XKR4: variants seen among roughly 807,000 people sequenced by gnomAD.
XKR4 encodes XK related 4.
In XKR4, 12 loss-of-function variants were observed where a neutral mutation model predicts 53.9. The observed-to-expected ratio is 0.22, with a 90% CI of 0.14 to 0.36. The LOEUF (loss-of-function observed/expected upper bound fraction) is 0.36, where lower values mean the gene tolerates loss of function less well. Ranked by LOEUF, XKR4 falls within the 10% of genes least tolerant of loss-of-function variation. XKR4 has a pLI of 1.00. For synonymous variants in XKR4, 354 were observed against 362.4 expected, an observed-to-expected ratio of 0.98 and a Z score of 0.26; for missense variants, 799 against 859.5, an observed-to-expected ratio of 0.93 and a Z score of 0.88.
chr8:55,458,731 C>T (rs1805607001), intron 2 of XKR4, among the ~76,000 whole-genome samples: 1 of 152,206 alleles, frequency 6.6e-6, no homozygotes, highest in South Asian at 2.1e-4. Flanking sequence ...CAAGCTGTCC[C>T]TCTGAAGTCA....
chr8:55,224,056 T>C (rs188643634), intron 1 of XKR4, among the ~76,000 whole-genome samples: 72 of 152,340 alleles, frequency 4.7e-4, no homozygotes, highest in African/African-American at 1.6e-3. Context: ...GAAAGAACAT[T>C]GCATAACTAA....
At chr8:55,274,028 G>C (rs1818730453) in intron 1 of XKR4, among the ~76,000 whole-genome samples, 1 of 152,180 alleles carries the variant, frequency 6.6e-6, no homozygotes, top group South Asian at 2.1e-4. Flanking sequence ...TATTTGTCCA[G>C]AGTCATTTCA....
intron 2 of XKR4, among the ~76,000 whole-genome samples, chr8:55,359,697 A>T (rs1264183890): frequency 6.6e-6 from 1 of 152,030 alleles, no homozygotes; most frequent in African/African-American, 2.4e-5. Context: ...TTATGGAGAG[A>T]TTTTTCTTCC....
chr8:55,295,305 G>A (rs887170228), intron 1 of XKR4, among the ~76,000 whole-genome samples: 23 of 152,142 alleles, frequency 1.5e-4, no homozygotes, highest in African/African-American at 4.8e-4. Flanking sequence ...AGAAAAAGGG[G>A]ATCATTTCCA....
At chr8:55,211,542 A>G (rs1817730200) in intron 1 of XKR4, among the ~76,000 whole-genome samples, 1 of 152,218 alleles carries the variant, frequency 6.6e-6, no homozygotes, top group Admixed American at 6.5e-5. Flanking sequence ...TTTTAAAATT[A>G]CTGTTTCTCT....
chr8:55,387,363 G>T (rs1463745596), intron 2 of XKR4, among the ~76,000 whole-genome samples: 1 of 152,164 alleles, frequency 6.6e-6, no homozygotes, highest in Non-Finnish European at 1.5e-5. Context: ...GATCTACATT[G>T]GTTTTGACAG....
intron 1 of XKR4, among the ~76,000 whole-genome samples, chr8:55,333,721 GAGA>G (rs1210585575): frequency 1.2e-4 from 19 of 152,214 alleles, no homozygotes; most frequent in Admixed American, 2.0e-4. Flanking sequence ...AGGTGACACA[GAGA>G]CCATTATCTG....
chr8:55,334,484 T>G (rs1250193364), intron 1 of XKR4, among the ~76,000 whole-genome samples: 2 of 152,158 alleles, frequency 1.3e-5, no homozygotes, highest in Non-Finnish European at 2.9e-5. Context: ...GTCTACTGTT[T>G]CATAAATTCT....
intron 2 of XKR4, among the ~76,000 whole-genome samples, chr8:55,398,068 T>A (rs753249681): frequency 2.0e-5 from 3 of 152,216 alleles, no homozygotes; most frequent in Admixed American, 6.5e-5. Context: ...AGATACAAAA[T>A]TTGTTTTTAT....
At chr8:55,238,049 A>G (rs563572864) in intron 1 of XKR4, among the ~76,000 whole-genome samples, 1 of 152,342 alleles carries the variant, frequency 6.6e-6, no homozygotes, top group Admixed American at 6.5e-5. Flanking sequence ...AGACAGTGAT[A>G]TAAAAAAAAT....
At chr8:55,500,882 A>G (rs1338521731) in intron 2 of XKR4, among the ~76,000 whole-genome samples, 2 of 152,258 alleles carry the variant, frequency 1.3e-5, no homozygotes, top group Non-Finnish European at 2.9e-5. Flanking sequence ...CCCAGGTTCA[A>G]AATACAGCCT....
chr8:55,491,773 G>A (rs1030251732), intron 2 of XKR4, among the ~76,000 whole-genome samples: 1 of 152,120 alleles, frequency 6.6e-6, no homozygotes, highest in Non-Finnish European at 1.5e-5. Context: ...TAGGATTACG[G>A]GCACACACCA....
intron 1 of XKR4, among the ~76,000 whole-genome samples, chr8:55,299,798 T>G: frequency 6.6e-6 from 1 of 152,040 alleles, no homozygotes; most frequent in East Asian, 1.9e-4. Flanking sequence ...GGAAAGCAGC[T>G]CTGAGTCAGA....
At chr8:55,127,069 T>G (rs955894240) in intron 1 of XKR4, among the ~76,000 whole-genome samples, 1 of 152,138 alleles carries the variant, frequency 6.6e-6, no homozygotes, top group African/African-American at 2.4e-5. Context: ...GCTAGTGGGT[T>G]GCATGGAGTA....
At chr8:55,121,454 A>G (rs1816389617) in intron 1 of XKR4, among the ~76,000 whole-genome samples, 1 of 152,242 alleles carries the variant, frequency 6.6e-6, no homozygotes, top group Non-Finnish European at 1.5e-5. Flanking sequence ...TGTCCAAGTT[A>G]CAGACACACT....
intron 2 of XKR4, among the ~76,000 whole-genome samples, chr8:55,496,219 T>TA (rs1806345313): frequency 6.6e-6 from 1 of 152,248 alleles, no homozygotes; most frequent in Admixed American, 6.5e-5. Context: ...TTCTAAGCTC[T>TA]AATGCTTAAT....
At chr8:55,413,527 T>G (rs572691347) in intron 2 of XKR4, among the ~76,000 whole-genome samples, 6 of 152,218 alleles carry the variant, frequency 3.9e-5, no homozygotes, top group Non-Finnish European at 8.8e-5. Context: ...CTCCCGGCAG[T>G]ATCTCTTCCA....
At chr8:55,302,160 A>G (rs1211987871) in intron 1 of XKR4, among the ~76,000 whole-genome samples, 2 of 152,074 alleles carry the variant, frequency 1.3e-5, no homozygotes, top group Non-Finnish European at 2.9e-5. Context: ...TCCATCTTGA[A>G]TTAATTTTTG....
intron 2 of XKR4, among the ~76,000 whole-genome samples, chr8:55,478,939 A>G (rs1806052914): frequency 6.6e-6 from 1 of 152,112 alleles, no homozygotes; most frequent in Non-Finnish European, 1.5e-5. Flanking sequence ...AGACTCCCAC[A>G]CAATAATAAT....
Sources: gnomAD v4.1 joint callset for allele counts (sites outside exome capture counted in the v4.1 genomes callset) on GRCh38, gnomAD v4.1.1 for gene constraint, MANE v1.5 for transcripts, NCBI Gene and HGNC (gene_info 2026-07-23, HGNC 2026-07-21) for gene names.